VPS26C: variants seen among roughly 807,000 people sequenced by gnomAD.
The protein encoded by VPS26C is vacuolar protein sorting-associated protein 26C.
In VPS26C, 19 loss-of-function variants were observed where a neutral mutation model predicts 30.6. The observed-to-expected ratio is 0.62, with a 90% CI of 0.43 to 0.91. The LOEUF (loss-of-function observed/expected upper bound fraction) is 0.91, where lower values mean the gene tolerates loss of function less well. Among genes scored for constraint, VPS26C ranks in the 40% least tolerant of loss-of-function variants. VPS26C has a pLI of 0.00. For synonymous variants in VPS26C, 132 were observed against 151.5 expected, an observed-to-expected ratio of 0.87 and a Z score of 0.95; for missense variants, 318 against 385.1, an observed-to-expected ratio of 0.83 and a Z score of 1.46.
At chr21:37,263,756 A>C (rs1471104684) in intron 1 of VPS26C, among the ~76,000 whole-genome samples, 1 of 152,172 alleles carries the variant, frequency 6.6e-6, no homozygotes, top group African/African-American at 2.4e-5. Flanking sequence ...AACCCATAAG[A>C]ATTGTAGGCA....
In VPS26C at chr21:37,240,613, T is replaced by C; in HGVS notation, c.84A>G (p.Ile28Met). ...AGEVLSGVVV[I>M]SSKDSVQHQG... ...GGTGTTGGACTGAATCCTTACTCGATATGACCACCACGCCAGAGAGCACTT... is the reference window on the plus strand; with the variant it reads ...GGTGTTGGACTGAATCCTTACTCGACATGACCACCACGCCAGAGAGCACTT... The change falls in exon 2 of 8, where the codon ATA (isoleucine) becomes ATG (methionine). Residue 28 changes from isoleucine to methionine, a missense_variant. Physicochemically the swap from Ile to Met is conservative, Grantham distance 10. Coordinates refer to ENST00000309117, the MANE Select transcript of VPS26C (RefSeq NM_006052.2). 1.2e-6 allele frequency: 2 copies of C among 1,614,166 alleles called. No individual in the cohort carries two copies. Among genetic ancestry groups the C allele is most frequent in the South Asian group, 1.1e-5 (1 of 91,084 alleles).
chr21:37,264,278 G>A (rs936651437), intron 1 of VPS26C, among the ~76,000 whole-genome samples: 1 of 152,180 alleles, frequency 6.6e-6, no homozygotes, highest in East Asian at 1.9e-4. Context: ...GTGACTGAAG[G>A]TTGAGAGAAG....
chr21:37,255,658 A>T (rs1252789956), intron 1 of VPS26C, among the ~76,000 whole-genome samples: 1 of 152,170 alleles, frequency 6.6e-6, no homozygotes, highest in Non-Finnish European at 1.5e-5. Context: ...GTAGGACAAC[A>T]GTGAAGGTCT....
At chr21:37,232,356 C>T (rs568978252) in intron 5 of VPS26C, 21 bp downstream of exon 5, 7 of 1,610,472 alleles carry the variant, frequency 4.3e-6, no homozygotes, top group East Asian at 2.2e-5. Context: ...CCACGGCATT[C>T]GCCTGTGCAG....
At chr21:37,225,682 C>A in intron 7 of VPS26C, 56 bp from the exon 8 acceptor site, 2 of 1,442,066 alleles carry the variant, frequency 1.4e-6, no homozygotes, top group East Asian at 2.3e-5. Flanking sequence ...AGCGAAACCA[C>A]ACGCCGCCAC....
At chr21:37,231,524 A>C (rs548024978) in intron 5 of VPS26C, 4 of 152,482 alleles carry the variant, frequency 2.6e-5, no homozygotes, top group African/African-American at 9.6e-5. Context: ...ACACATGTCC[A>C]GCCTCTGAGG....
chr21:37,266,337 T>C (rs1192415018), intron 1 of VPS26C, among the ~76,000 whole-genome samples: 1 of 152,226 alleles, frequency 6.6e-6, no homozygotes, highest in Non-Finnish European at 1.5e-5. Context: ...GACCTTTGTC[T>C]GAAATTCTGT....
chr21:37,263,101 C>T (rs1308576609), intron 1 of VPS26C, among the ~76,000 whole-genome samples: 1 of 151,998 alleles, frequency 6.6e-6, no homozygotes, highest in African/African-American at 2.4e-5. Flanking sequence ...TTTTTAAATG[C>T]TTCAACTGTA....
chr21:37,232,318 C>T, intron 5 of VPS26C, 59 bp downstream of exon 5: 1 of 1,473,190 alleles, frequency 6.8e-7, no homozygotes, highest in Non-Finnish European at 9.5e-7. Flanking sequence ...AATAGCTAGT[C>T]CGTGGGGTCT....
At chr21:37,239,896 G>A (rs915831935) in intron 2 of VPS26C, among the ~76,000 whole-genome samples, 1 of 152,058 alleles carries the variant, frequency 6.6e-6, no homozygotes, top group Non-Finnish European at 1.5e-5. Context: ...CTGCACCCAG[G>A]TGTGATCTTT....
intron 1 of VPS26C, among the ~76,000 whole-genome samples, chr21:37,251,586 A>T (rs1008365878): frequency 1.3e-5 from 2 of 152,222 alleles, no homozygotes; most frequent in African/African-American, 2.4e-5. Flanking sequence ...AAGGAATCAC[A>T]AGAAATTGAT....
In VPS26C at chr21:37,225,613, G is replaced by A. The variant is rs1602259047; in HGVS notation, c.825C>T (p.Asn275=). The A allele has an allele frequency of 2.5e-6, 4 of 1,613,916 alleles. No individual in the cohort carries two copies. In the East Asian group the frequency reaches 8.9e-5, roughly 36 times the overall value. Residue 275 remains asparagine (N), a synonymous_variant, in exon 8 of 8, where the codon AAC becomes AAT. Transcript: ENST00000309117. ...GGTCAGGGTGAAGCAGCACCACGATGTTAACCTCAAATTCTGAGAAGAGAA... is the reference window on the plus strand; with the variant it reads ...GGTCAGGGTGAAGCAGCACCACGATATTAACCTCAAATTCTGAGAAGAGAA... The part of the protein sequence containing the change: ...TTNFKVEFEV[N]IVVLLHPDHL...
chr21:37,254,715 G>A (rs760707801), intron 1 of VPS26C, among the ~76,000 whole-genome samples: 1 of 152,008 alleles, frequency 6.6e-6, no homozygotes, highest in Non-Finnish European at 1.5e-5. Flanking sequence ...GGAGGCTGCG[G>A]CAGGAGAATT....
In VPS26C at chr21:37,227,754, G is replaced by A. The variant is rs759944164; in HGVS notation, c.711C>T (p.Ile237=). The A allele has an allele frequency of 8.1e-6, 13 of 1,614,060 alleles. No homozygotes were observed. The highest frequency in any genetic ancestry group is 4.5e-5 in the East Asian group (2 of 44,886). ...GGCCCCTGCACACATCCCCGTCGGCGATCTGAATGTTCTGAATCTCCGTGG... is the reference window on the plus strand; with the variant it reads ...GGCCCCTGCACACATCCCCGTCGGCAATCTGAATGTTCTGAATCTCCGTGG... ...RDATEIQNIQ[I]ADGDVCRGLS... Residue 237 remains isoleucine, a synonymous_variant, in exon 7 of 8, where the codon ATC becomes ATT. Coordinates refer to ENST00000309117, the MANE Select transcript of VPS26C (RefSeq NM_006052.2).
At chr21:37,265,134 G>A (rs2086345222) in intron 1 of VPS26C, among the ~76,000 whole-genome samples, 1 of 152,190 alleles carries the variant, frequency 6.6e-6, no homozygotes, top group Admixed American at 6.5e-5. Flanking sequence ...CAGGAGGGAG[G>A]GGGAATGAGG....
At chr21:37,230,023 C>T (rs1317913365) in intron 5 of VPS26C, among the ~76,000 whole-genome samples, 1 of 152,200 alleles carries the variant, frequency 6.6e-6, no homozygotes, top group Non-Finnish European at 1.5e-5. Context: ...CATGCCACCA[C>T]ACCCAGCTAA....
chr21:37,236,910 A>G lies in VPS26C; in HGVS notation c.351+1550T>C, dbSNP rs374823675. Among the ~76,000 whole-genome samples the G allele has an allele frequency of 1.1e-3, 172 of 152,338 alleles. 1 individual carries two copies. The highest frequency in any genetic ancestry group is 1.9e-3 in the Non-Finnish European group (130 of 68,026). On this transcript the variant is annotated intron_variant, in intron 3 of 7. Coordinates refer to ENST00000309117, the MANE Select transcript of VPS26C (RefSeq NM_006052.2). ...ATATTTTAAGTAGCCTCCAATGTAC[A>G]CACAGCTCTGCAGCAACAGAAGCAC...
At chr21:37,232,837 A>G (rs1291649235) in intron 4 of VPS26C, among the ~76,000 whole-genome samples, 2 of 152,142 alleles carry the variant, frequency 1.3e-5, no homozygotes, top group African/African-American at 4.8e-5. Context: ...CGGGGCAGAG[A>G]GCTCAGTGGC....
At chr21:37,249,376 A>G (rs1469355107) in intron 1 of VPS26C, among the ~76,000 whole-genome samples, 1 of 152,246 alleles carries the variant, frequency 6.6e-6, no homozygotes, top group East Asian at 1.9e-4. Context: ...TGGGTACAAA[A>G]TTAACACAGA....
Sources: gnomAD v4.1 joint callset for allele counts (sites outside exome capture counted in the v4.1 genomes callset) on GRCh38, gnomAD v4.1.1 for gene constraint, MANE v1.5 for transcripts, NCBI Gene and HGNC (gene_info 2026-07-23, HGNC 2026-07-21) for gene names.